Variants in SLC25A21 observed in about 807,000 individuals in gnomAD.
The protein encoded by SLC25A21 is solute carrier family 25 member 21.
SLC25A21 carries 47 observed loss-of-function variants against 43.8 expected under a neutral mutation model. That is an observed-to-expected ratio of 1.07 (90% CI 0.85 to 1.37). The LOEUF (loss-of-function observed/expected upper bound fraction) is 1.37. Among genes scored for constraint, SLC25A21 ranks in the 40% most tolerant of loss-of-function variants. SLC25A21 has a pLI of 0.00. For missense variants in SLC25A21, 352 were observed against 350.2 expected (o/e 1.00, Z -0.04); for synonymous variants, 131 against 121.3 (o/e 1.08, Z -0.52).
intron 1 of SLC25A21, among the ~76,000 whole-genome samples, chr14:37,075,062 A>T (rs1159283776): frequency 2.6e-5 from 4 of 152,172 alleles, no homozygotes; most frequent in Admixed American, 6.5e-5. Flanking sequence ...TTCCTGTGCA[A>T]ATACTTCTCA....
At chr14:36,793,321 T>C (rs990900862) in intron 3 of SLC25A21, among the ~76,000 whole-genome samples, 2 of 152,038 alleles carry the variant, frequency 1.3e-5, no homozygotes, top group African/African-American at 4.8e-5. Context: ...GATAAACAAA[T>C]TGTTTTTGTC....
intron 1 of SLC25A21, among the ~76,000 whole-genome samples, chr14:37,166,654 A>G (rs1054721745): frequency 1.3e-5 from 2 of 152,208 alleles, no homozygotes; most frequent in African/African-American, 4.8e-5. Flanking sequence ...TGCATCATTC[A>G]TATGCTAATG....
At chr14:37,114,154 G>A (rs1302136089) in intron 1 of SLC25A21, among the ~76,000 whole-genome samples, 4 of 152,076 alleles carry the variant, frequency 2.6e-5, no homozygotes, top group South Asian at 2.1e-4. Context: ...TACAATCAAC[G>A]TGTGATGACA....
At chr14:37,053,564 T>C (rs1961756691) in intron 1 of SLC25A21, among the ~76,000 whole-genome samples, 1 of 152,224 alleles carries the variant, frequency 6.6e-6, no homozygotes, top group African/African-American at 2.4e-5. Context: ...AAAATAATTT[T>C]CTTAACTCAT....
chr14:37,096,082 A>G (rs1489978038), intron 1 of SLC25A21, among the ~76,000 whole-genome samples: 2 of 152,198 alleles, frequency 1.3e-5, no homozygotes, highest in Non-Finnish European at 2.9e-5. Flanking sequence ...AAGAGTGAAG[A>G]ACAGTTCCAG....
chr14:36,911,694 G>A (rs1422392089), intron 1 of SLC25A21, among the ~76,000 whole-genome samples: 2 of 152,100 alleles, frequency 1.3e-5, no homozygotes, highest in Admixed American at 6.5e-5. Flanking sequence ...GGGAGTCTTG[G>A]CCACTGAAGC....
chr14:36,983,580 G>C (rs1397568295), intron 1 of SLC25A21, among the ~76,000 whole-genome samples: 1 of 152,186 alleles, frequency 6.6e-6, no homozygotes, highest in Non-Finnish European at 1.5e-5. Context: ...ACAGTATGGA[G>C]ATTTCTCAAA....
intron 1 of SLC25A21, among the ~76,000 whole-genome samples, chr14:36,984,783 A>C (rs1325273315): frequency 1.3e-5 from 2 of 152,128 alleles, no homozygotes; most frequent in Non-Finnish European, 2.9e-5. Flanking sequence ...AGTTTCACCA[A>C]GTGTCCCAGT....
At chr14:37,038,131 C>A (rs2138778615) in intron 1 of SLC25A21, among the ~76,000 whole-genome samples, 1 of 152,260 alleles carries the variant, frequency 6.6e-6, no homozygotes, top group East Asian at 1.9e-4. Context: ...CCTTACTGAA[C>A]TGAAGTCTGA....
At chr14:36,754,174 G>C (rs1284200224) in intron 3 of SLC25A21, among the ~76,000 whole-genome samples, 1 of 152,126 alleles carries the variant, frequency 6.6e-6, no homozygotes, top group Non-Finnish European at 1.5e-5. Flanking sequence ...TTTAAGTCAG[G>C]AGATGGAATA....
chr14:36,790,925 G>A (rs848102), intron 3 of SLC25A21, among the ~76,000 whole-genome samples: 31,090 of 152,030 alleles, frequency 0.2, 3,336 homozygotes, highest in Middle Eastern at 0.26. Flanking sequence ...TAAGAGGAAC[G>A]TGGCATATAT....
intron 1 of SLC25A21, among the ~76,000 whole-genome samples, chr14:36,969,392 T>C (rs1959698049): frequency 6.6e-6 from 1 of 152,134 alleles, no homozygotes; most frequent in African/African-American, 2.4e-5. Context: ...ACAGTAAATC[T>C]ACCTGACACA....
intron 2 of SLC25A21, among the ~76,000 whole-genome samples, chr14:36,858,780 G>A (rs1391187521): frequency 1.3e-5 from 2 of 152,128 alleles, no homozygotes; most frequent in Non-Finnish European, 2.9e-5. Context: ...CATCTATACA[G>A]GGACAGTTTT....
At chr14:36,822,281 C>G (rs1020663924) in intron 2 of SLC25A21, among the ~76,000 whole-genome samples, 1 of 152,232 alleles carries the variant, frequency 6.6e-6, no homozygotes, top group African/African-American at 2.4e-5. Context: ...TCTGCCCAAG[C>G]AGTGATCACT....
chr14:37,067,705 T>C (rs1302589968), intron 1 of SLC25A21, among the ~76,000 whole-genome samples: 2 of 152,226 alleles, frequency 1.3e-5, no homozygotes, highest in East Asian at 1.9e-4. Flanking sequence ...GCAGCTTGGC[T>C]GTAGATTGGT....
chr14:36,947,844 G>A (rs1407340838), intron 1 of SLC25A21, among the ~76,000 whole-genome samples: 3 of 152,050 alleles, frequency 2.0e-5, no homozygotes, highest in Admixed American at 1.3e-4. Context: ...CTCTTAGAAG[G>A]AACTGTCTTT....
chr14:36,921,343 C>T (rs1310708807), intron 1 of SLC25A21, among the ~76,000 whole-genome samples: 1 of 152,110 alleles, frequency 6.6e-6, no homozygotes, highest in African/African-American at 2.4e-5. Flanking sequence ...ATATTGAGCA[C>T]TTTGTACATA....
chr14:37,029,842 C>T (rs1961172549), intron 1 of SLC25A21, among the ~76,000 whole-genome samples: 1 of 148,896 alleles, frequency 6.7e-6, no homozygotes, highest in African/African-American at 2.5e-5. Flanking sequence ...TCGGCTCACT[C>T]CAACCTCTGC....
intron 1 of SLC25A21, among the ~76,000 whole-genome samples, chr14:37,134,562 T>A (rs1415966732): frequency 6.6e-6 from 1 of 151,210 alleles, no homozygotes; most frequent in Non-Finnish European, 1.5e-5. Flanking sequence ...GGAGAACAGC[T>A]TGAGCCCAGG....
Sources: gnomAD v4.1 joint callset for allele counts (sites outside exome capture counted in the v4.1 genomes callset) on GRCh38, gnomAD v4.1.1 for gene constraint, MANE v1.5 for transcripts, NCBI Gene and HGNC (gene_info 2026-07-23, HGNC 2026-07-21) for gene names.